ABI3BP: variants seen among roughly 807,000 people sequenced by gnomAD.
ABI3BP encodes target of Nesh-SH3.
A neutral mutation model predicts 268.6 loss-of-function variants in ABI3BP; 216 were observed. The observed-to-expected ratio is 0.80, with a 90% confidence interval of 0.72 to 0.90. The LOEUF is 0.90. Ranked by LOEUF, ABI3BP falls within the 40% of genes least tolerant of loss-of-function variation. The pLI, the probability that ABI3BP is intolerant of heterozygous loss-of-function variation, is 0.00. For synonymous variants in ABI3BP, 730 were observed against 730.0 expected (o/e 1.00, Z 0.00); for missense variants, 2,090 against 2,182.4 (o/e 0.96, Z 0.84).
rs1028426090 is a variant in ABI3BP, at chr3:100,847,704, T to G, written c.1577-31A>C. 1.9e-6 allele frequency: 3 copies of G among 1,565,878 alleles called. No homozygotes were observed. In the African/African-American group the frequency reaches 4.1e-5, roughly 21 times the overall value. On this transcript the variant is annotated intron_variant, in intron 18 of 67. Coordinates refer to ENST00000471714, the MANE Select transcript of ABI3BP (RefSeq NM_001375547.2). ...GATGGAAAGGAAAAAAATATTGAAATATCCTAGAGACAATAAAAAGACACC... is the reference window on the plus strand; with the variant it reads ...GATGGAAAGGAAAAAAATATTGAAAGATCCTAGAGACAATAAAAAGACACC...
intron 32 of ABI3BP, 140 bp from the exon 33 acceptor site, chr3:100,829,804 T>C: frequency 1.7e-6 from 1 of 599,358 alleles, no homozygotes; most frequent in Middle Eastern, 2.8e-4. Context: ...CAATACAGTG[T>C]CTCTTTTTAT....
intron 4 of ABI3BP, among the ~76,000 whole-genome samples, chr3:100,894,694 C>T (rs2046357897): frequency 6.6e-6 from 1 of 151,954 alleles, no homozygotes; most frequent in African/African-American, 2.4e-5. Flanking sequence ...AATCCCAGCA[C>T]TTTGGGAGGC....
chr3:100,935,762 T>C (rs532718171), intron 1 of ABI3BP, among the ~76,000 whole-genome samples: 1 of 152,316 alleles, frequency 6.6e-6, no homozygotes, highest in South Asian at 2.1e-4. Flanking sequence ...AGTTCACTCA[T>C]GATTTGGCTC....
At chr3:100,979,902 G>C (rs962319185) in intron 1 of ABI3BP, among the ~76,000 whole-genome samples, 1 of 152,084 alleles carries the variant, frequency 6.6e-6, no homozygotes. Context: ...TTGTGAAATG[G>C]GATTTATTGC....
chr3:100,915,875 T>C (rs1433907491), intron 2 of ABI3BP, among the ~76,000 whole-genome samples: 2 of 152,210 alleles, frequency 1.3e-5, no homozygotes, highest in African/African-American at 4.8e-5. Context: ...CTTCAGCTAC[T>C]GTCCCAAACT....
rs1040300242 is a variant in ABI3BP at position 100,772,914 on chromosome 3, A to C, written c.4531+1691T>G. 7.2e-5 allele frequency among the ~76,000 whole-genome samples: 11 copies of C among 152,030 alleles called. No individual in the cohort carries two copies. The South Asian group carries it at 1.0e-3, about 14-fold the overall frequency. On this transcript the variant is annotated intron_variant, in intron 61 of 67. Coordinates refer to ENST00000471714, the MANE Select transcript of ABI3BP (RefSeq NM_001375547.2). ...GCCAACATGGTGAAACCACATCTCTACTAAAAATACAAAAACTATGGGGAT... is the reference window on the plus strand; with the variant it reads ...GCCAACATGGTGAAACCACATCTCTCCTAAAAATACAAAAACTATGGGGAT...
At chr3:100,836,659 G>C (rs1289604044) in intron 27 of ABI3BP, among the ~76,000 whole-genome samples, 1 of 152,178 alleles carries the variant, frequency 6.6e-6, no homozygotes, top group African/African-American at 2.4e-5. Context: ...GCAACAGAAA[G>C]ATCAATTTGC....
At chr3:100,911,918 A>G in intron 2 of ABI3BP, 1 of 1,310,562 alleles carries the variant, frequency 7.6e-7, no homozygotes, top group South Asian at 1.2e-5. Flanking sequence ...TCTTTTTGAC[A>G]TTGGAGAATA....
At chr3:100,975,790 T>C (rs1036897168) in intron 1 of ABI3BP, among the ~76,000 whole-genome samples, 1 of 151,890 alleles carries the variant, frequency 6.6e-6, no homozygotes, top group African/African-American at 2.4e-5. Flanking sequence ...TGAATGATGA[T>C]ACATACTAGT....
chr3:100,969,642 C>T (rs1008514620), intron 1 of ABI3BP, among the ~76,000 whole-genome samples: 1 of 152,070 alleles, frequency 6.6e-6, no homozygotes, highest in African/African-American at 2.4e-5. Context: ...CGAGGCATAG[C>T]TCTAAACAGA....
chr3:100,987,269 A>G (rs923436120), intron 1 of ABI3BP, among the ~76,000 whole-genome samples: 2 of 152,172 alleles, frequency 1.3e-5, no homozygotes, highest in African/African-American at 4.8e-5. Flanking sequence ...TATGTCTTTA[A>G]AAAGCCTTCT....
chr3:100,993,388 G>T lies in ABI3BP; in HGVS notation c.-4C>A. 1.3e-6 allele frequency: 2 copies of T among 1,552,328 alleles called. No individual in the cohort carries two copies. The highest frequency in any genetic ancestry group is 1.7e-6 in the Non-Finnish European group (2 of 1,147,236). On this transcript the variant is annotated 5_prime_UTR_variant, in exon 1 of 68. It introduces an in-frame stop codon into an upstream open reading frame of the 5' UTR. Coordinates refer to ENST00000471714, the MANE Select transcript of ABI3BP (RefSeq NM_001375547.2). Reference sequence around the variant, plus strand: ...GACACCCCAAACTGGAGAGCATGTTGCATTTGCCACCTCGCATGGGGAATG... The same window carrying T: ...GACACCCCAAACTGGAGAGCATGTTTCATTTGCCACCTCGCATGGGGAATG...
intron 1 of ABI3BP, among the ~76,000 whole-genome samples, chr3:100,957,531 G>A (rs772743220): frequency 5.3e-5 from 8 of 152,072 alleles, no homozygotes; most frequent in Admixed American, 2.0e-4. Flanking sequence ...GTATTTAGAC[G>A]GTATTTAAAG....
intron 2 of ABI3BP, among the ~76,000 whole-genome samples, chr3:100,924,919 T>G (rs568392041): frequency 1.3e-5 from 2 of 152,304 alleles, no homozygotes; most frequent in South Asian, 4.1e-4. Context: ...AAAGGGGTAA[T>G]ATGTCATCTG....
intron 14 of ABI3BP, among the ~76,000 whole-genome samples, chr3:100,857,824 G>C (rs191872903): frequency 2.6e-5 from 4 of 152,256 alleles, no homozygotes; most frequent in African/African-American, 9.6e-5. Flanking sequence ...AGGGACTTTG[G>C]AAGTCTCAAT....
chr3:100,753,865 A>G lies in ABI3BP; in HGVS notation c.4931-17T>C. On this transcript the variant is annotated splice_polypyrimidine_tract_variant and intron_variant, in intron 64 of 67. Transcript: ENST00000471714. ...TTGGGTCCGCTGAGGAGAAATAAAT[A>G]GAAAAGTCAGACCTTACTAGGTAAA... 6.2e-7 allele frequency: 1 copy of G among 1,604,190 alleles called. No individual in the cohort carries two copies. Among genetic ancestry groups the G allele is most frequent in the Admixed American group, 1.7e-5 (1 of 58,794 alleles).
chr3:100,845,970 C>T lies in ABI3BP; in HGVS notation c.1723+402G>A, dbSNP rs997513289. On this transcript the variant is annotated intron_variant, in intron 20 of 67. Transcript: ENST00000471714. Reference sequence around the variant, plus strand: ...TTGGGAAAATACAGGTCTTTCTGGTCTTCTAGCCTGAGAACTGAGAAACTC... The same window carrying T: ...TTGGGAAAATACAGGTCTTTCTGGTTTTCTAGCCTGAGAACTGAGAAACTC... Among the ~76,000 whole-genome samples, 3 of 151,842 alleles carry T rather than the reference C, an allele frequency of 2.0e-5. No individual in the cohort carries two copies. In the South Asian group the frequency reaches 6.2e-4, roughly 32 times the overall value.
chr3:100,914,372 G>A, intron 2 of ABI3BP: 1 of 441,438 alleles, frequency 2.3e-6, no homozygotes. Flanking sequence ...TTAAGATGCA[G>A]TCTGCGGAAC....
chr3:100,916,717 C>A (rs1040061341), intron 2 of ABI3BP, among the ~76,000 whole-genome samples: 1 of 152,190 alleles, frequency 6.6e-6, no homozygotes, highest in African/African-American at 2.4e-5. Flanking sequence ...ATGTGCCCAG[C>A]CTGGAGAATG....
Sources: allele counts gnomAD v4.1 joint callset (sites outside exome capture counted in the v4.1 genomes callset), GRCh38; gene constraint gnomAD v4.1.1; transcripts MANE v1.5; gene names NCBI Gene and HGNC (gene_info 2026-07-23, HGNC 2026-07-21).